CDH12: variants seen among roughly 807,000 people sequenced by gnomAD.
CDH12 encodes cadherin-12.
A neutral mutation model predicts 74.1 loss-of-function variants in CDH12; 41 were observed. That is an observed-to-expected ratio of 0.55 (90% CI 0.43 to 0.72). CDH12 has a LOEUF of 0.72. CDH12 is among the 30% of genes least tolerant of loss of function. The pLI, the probability that CDH12 is intolerant of heterozygous loss-of-function variation, is 0.00. For synonymous variants in CDH12, 399 were observed against 355.0 expected (o/e 1.12, Z -1.39); for missense variants, 945 against 977.2 (o/e 0.97, Z 0.44).
intron 1 of CDH12, among the ~76,000 whole-genome samples, chr5:22,823,445 A>G (rs1196636620): frequency 6.6e-6 from 1 of 152,004 alleles, no homozygotes; most frequent in Non-Finnish European, 1.5e-5. Flanking sequence ...GCTGCCACTC[A>G]TGTAAGACCT....
chr5:21,973,589 A>G (rs1756946747), intron 6 of CDH12, among the ~76,000 whole-genome samples: 1 of 152,182 alleles, frequency 6.6e-6, no homozygotes. Context: ...CTGTAGAGGC[A>G]TGTGTGTGTG....
intron 11 of CDH12, among the ~76,000 whole-genome samples, chr5:21,775,582 A>T (rs1745540920): frequency 1.3e-5 from 2 of 152,154 alleles, no homozygotes; most frequent in Non-Finnish European, 2.9e-5. Flanking sequence ...GACTTTTCAT[A>T]GCTATGCCTT....
intron 5 of CDH12, among the ~76,000 whole-genome samples, chr5:22,033,036 CAA>C (rs11312264): frequency 0.25 from 28,167 of 111,730 alleles, 2,709 homozygotes; most frequent in South Asian, 0.32. Flanking sequence ...ATCTTGCTTC[CAA>C]AAAAAAAAAA....
At chr5:21,883,483 T>C in intron 6 of CDH12, 3 of 1,612,896 alleles carry the variant, frequency 1.9e-6, no homozygotes, top group Non-Finnish European at 2.5e-6. Context: ...CTTCAGGTTG[T>C]GGCAGTCAAG....
In CDH12 at chr5:21,802,201, C is replaced by A; in HGVS notation, c.1222G>T (p.Ala408Ser). ...PVGTIIGAVTAQDLDVGSSAV... is the reference protein window; with the variant it reads ...PVGTIIGAVTSQDLDVGSSAV... ...CTGCTGCCTACATCCAGGTCTTGAG[C>A]AGTGACAGCGCCAATGATGGTCCCT... Residue 408 changes from alanine (A) to serine (S), a missense_variant, in exon 10 of 15, where the codon GCT becomes TCT. Coordinates refer to ENST00000382254, the MANE Select transcript of CDH12 (RefSeq NM_004061.5). The A allele has an allele frequency of 1.2e-6, 2 of 1,613,854 alleles. No individual in the cohort carries two copies. Among genetic ancestry groups the A allele is most frequent in the Non-Finnish European group, 1.7e-6 (2 of 1,179,892 alleles).
intron 1 of CDH12, among the ~76,000 whole-genome samples, chr5:22,754,258 G>C (rs1002447799): frequency 6.6e-6 from 1 of 152,200 alleles, no homozygotes; most frequent in Non-Finnish European, 1.5e-5. Flanking sequence ...CAGTTGACAA[G>C]AGACGACACT....
At chr5:22,489,532 G>C (rs1040161271) in intron 2 of CDH12, among the ~76,000 whole-genome samples, 1 of 151,856 alleles carries the variant, frequency 6.6e-6, no homozygotes, top group Non-Finnish European at 1.5e-5. Flanking sequence ...CGCAATTTTG[G>C]TATTGAAGAT....
At chr5:21,818,321 A>T (rs1235688090) in intron 8 of CDH12, among the ~76,000 whole-genome samples, 3 of 151,944 alleles carry the variant, frequency 2.0e-5, no homozygotes, top group South Asian at 2.1e-4. Context: ...TTGCATAGGG[A>T]AGTTCATTAA....
chr5:21,908,412 T>C (rs1753732298), intron 6 of CDH12, among the ~76,000 whole-genome samples: 3 of 152,176 alleles, frequency 2.0e-5, no homozygotes. Context: ...GGAGCTATGT[T>C]TCAATCTGTG....
chr5:22,010,735 C>A (rs188040252), intron 5 of CDH12, among the ~76,000 whole-genome samples: 2 of 152,266 alleles, frequency 1.3e-5, no homozygotes, highest in East Asian at 3.9e-4. Context: ...CCTGGGTCAA[C>A]AACATTCTCA....
chr5:21,919,500 A>G (rs561259569), intron 6 of CDH12, among the ~76,000 whole-genome samples: 1 of 151,904 alleles, frequency 6.6e-6, no homozygotes, highest in African/African-American at 2.4e-5. Flanking sequence ...CTGCCTATTC[A>G]CCCTCCACTT....
At chr5:22,558,729 T>C (rs1432539112) in intron 1 of CDH12, among the ~76,000 whole-genome samples, 1 of 151,630 alleles carries the variant, frequency 6.6e-6, no homozygotes, top group African/African-American at 2.4e-5. Context: ...CTGAGAAAAA[T>C]ATTTAAAATA....
At chr5:21,823,459 G>A (rs1748482032) in intron 8 of CDH12, among the ~76,000 whole-genome samples, 1 of 151,916 alleles carries the variant, frequency 6.6e-6, no homozygotes, top group Non-Finnish European at 1.5e-5. Context: ...ATGTACTTTT[G>A]TTGCTGCAAT....
chr5:21,874,924 A>G (rs1345402159), intron 6 of CDH12, among the ~76,000 whole-genome samples: 2 of 152,116 alleles, frequency 1.3e-5, no homozygotes, highest in African/African-American at 4.8e-5. Flanking sequence ...GAGGACAAGA[A>G]CCCCAGGTCA....
At chr5:22,624,367 A>G (rs967525821) in intron 1 of CDH12, among the ~76,000 whole-genome samples, 2 of 152,330 alleles carry the variant, frequency 1.3e-5, no homozygotes, top group Admixed American at 1.3e-4. Context: ...CGGAGTGAAC[A>G]GGCAACCTAC....
At chr5:21,832,926 AT>A (rs1472347933) in intron 8 of CDH12, among the ~76,000 whole-genome samples, 2 of 68,186 alleles carry the variant, frequency 2.9e-5, no homozygotes, top group African/African-American at 2.2e-4. Flanking sequence ...ATTAATATAT[AT>A]CATATATTAT....
rs193001896 is a variant in CDH12, at chr5:22,137,439, T to G, written c.-186-58577A>C. Among the ~76,000 whole-genome samples, 8 of 152,174 alleles carry G rather than the reference T, an allele frequency of 5.3e-5. No homozygotes were observed. The East Asian group carries it at 9.7e-4, about 18-fold the overall frequency. On this transcript the variant is annotated intron_variant, in intron 4 of 14. Transcript: ENST00000382254. ...CTGGATGCTGCTTTAGGACATTTACTAAGTATACTACTGTGTCTTTCTCAG... is the reference window on the plus strand; with the variant it reads ...CTGGATGCTGCTTTAGGACATTTACGAAGTATACTACTGTGTCTTTCTCAG...
intron 5 of CDH12, among the ~76,000 whole-genome samples, chr5:22,000,836 T>C (rs1580092754): frequency 6.6e-6 from 1 of 152,148 alleles, no homozygotes; most frequent in African/African-American, 2.4e-5. Context: ...CTTTCTTTAA[T>C]ATCTATTCAG....
At chr5:21,995,386 G>A (rs1238117960) in intron 5 of CDH12, among the ~76,000 whole-genome samples, 1 of 151,758 alleles carries the variant, frequency 6.6e-6, no homozygotes, top group Non-Finnish European at 1.5e-5. Context: ...CTACTGATGC[G>A]TCAGGGTATA....
Sources: gnomAD v4.1 joint callset for allele counts (sites outside exome capture counted in the v4.1 genomes callset) on GRCh38, gnomAD v4.1.1 for gene constraint, MANE v1.5 for transcripts, NCBI Gene and HGNC (gene_info 2026-07-23, HGNC 2026-07-21) for gene names.